The following CSMD3 variants were observed in gnomAD, a reference collection of about 807,000 sequenced individuals.
The protein encoded by CSMD3 is CUB and sushi domain-containing protein 3.
A neutral mutation model predicts 435.2 loss-of-function variants in CSMD3; 177 were observed. That is an observed-to-expected ratio of 0.41 (90% CI 0.36 to 0.46). The LOEUF is 0.46. CSMD3 is among the 20% of genes least tolerant of loss of function. The probability of loss-of-function intolerance (pLI) is 0.34; values close to 1 mark genes in which losing one functional copy is unlikely to be tolerated. For synonymous variants in CSMD3, 1,656 were observed against 1,520.5 expected (o/e 1.09, Z -2.07); for missense variants, 4,265 against 4,504.6 (o/e 0.95, Z 1.52).
chr8:112,238,269 C>CT (rs1554612698), intron 66 of CSMD3, among the ~76,000 whole-genome samples: 3 of 151,452 alleles, frequency 2.0e-5, no homozygotes, highest in South Asian at 2.1e-4. Flanking sequence ...GGAAAAAGTC[C>CT]TTTTTTTTAA....
intron 1 of CSMD3, among the ~76,000 whole-genome samples, chr8:113,323,781 T>G (rs887556505): frequency 7.9e-5 from 12 of 152,228 alleles, no homozygotes; most frequent in Non-Finnish European, 1.6e-4. Context: ...TAATTTCTAT[T>G]GAATGCTTGT....
intron 12 of CSMD3, among the ~76,000 whole-genome samples, chr8:112,825,948 CT>C (rs36026509): frequency 0.29 from 44,336 of 152,082 alleles, 6,729 homozygotes; most frequent in Non-Finnish European, 0.32. Flanking sequence ...AAAACTAATT[CT>C]GCTGGTCCCT....
chr8:112,286,953 T>C, intron 58 of CSMD3, 111 bp downstream of exon 58: 1 of 847,960 alleles, frequency 1.2e-6, no homozygotes, highest in Admixed American at 1.8e-5. Context: ...TATTTCATAG[T>C]TGCAGGCAGA....
At chr8:112,368,629 T>C (rs958701444) in intron 38 of CSMD3, among the ~76,000 whole-genome samples, 1 of 152,156 alleles carries the variant, frequency 6.6e-6, no homozygotes, top group Non-Finnish European at 1.5e-5. Flanking sequence ...ACTCAATAAA[T>C]ACTTGATGAA....
intron 27 of CSMD3, among the ~76,000 whole-genome samples, chr8:112,542,870 T>C (rs774145974): frequency 6.6e-6 from 1 of 151,850 alleles, no homozygotes; most frequent in Non-Finnish European, 1.5e-5. Flanking sequence ...AACAGAGACA[T>C]ATAGAACAAT....
At chr8:112,282,124 G>A (rs1383393252) in intron 58 of CSMD3, among the ~76,000 whole-genome samples, 1 of 152,026 alleles carries the variant, frequency 6.6e-6, no homozygotes, top group African/African-American at 2.4e-5. Context: ...CCTTACAGAA[G>A]TGAAGGCTTT....
chr8:113,049,853 C>T (rs564318247), intron 5 of CSMD3, among the ~76,000 whole-genome samples: 62 of 152,136 alleles, frequency 4.1e-4, no homozygotes, highest in African/African-American at 1.3e-3. Flanking sequence ...TATCCATATC[C>T]ATATGATATA....
At chr8:113,428,257 T>TATC (rs1554637356) in intron 1 of CSMD3, among the ~76,000 whole-genome samples, 53 of 146,430 alleles carry the variant, frequency 3.6e-4, no homozygotes, top group African/African-American at 1.4e-3. Flanking sequence ...TCTATCTATC[T>TATC]ATCTTTCTGT....
chr8:113,195,270 T>C (rs935130468), intron 3 of CSMD3, among the ~76,000 whole-genome samples: 7 of 150,666 alleles, frequency 4.6e-5, no homozygotes, highest in Admixed American at 3.3e-4. Flanking sequence ...TAACGACCTT[T>C]GTATTTCAGG....
chr8:113,134,341 C>A (rs773973716), intron 4 of CSMD3, among the ~76,000 whole-genome samples: 10 of 151,906 alleles, frequency 6.6e-5, no homozygotes, highest in Non-Finnish European at 1.5e-4. Flanking sequence ...GGCTATGTAC[C>A]TTATTTAGTG....
intron 6 of CSMD3, among the ~76,000 whole-genome samples, chr8:112,999,233 A>G (rs2085770913): frequency 6.6e-6 from 1 of 152,006 alleles, no homozygotes; most frequent in Non-Finnish European, 1.5e-5. Context: ...TTAACATCAG[A>G]AAACAGATGC....
intron 3 of CSMD3, among the ~76,000 whole-genome samples, chr8:113,248,896 C>A (rs1253240400): frequency 6.6e-6 from 1 of 151,650 alleles, no homozygotes; most frequent in Non-Finnish European, 1.5e-5. Flanking sequence ...TGTCAACTTT[C>A]CTGACAATCT....
At chr8:112,840,965 TA>T in intron 11 of CSMD3, among the ~76,000 whole-genome samples, 1 of 151,538 alleles carries the variant, frequency 6.6e-6, no homozygotes, top group Non-Finnish European at 1.5e-5. Flanking sequence ...GGGAAGAATA[TA>T]GTAAATTTAA....
chr8:112,710,522 T>C (rs1233406081), intron 13 of CSMD3, among the ~76,000 whole-genome samples: 2 of 152,092 alleles, frequency 1.3e-5, no homozygotes, highest in East Asian at 1.9e-4. Context: ...CAGTCACATA[T>C]AGAAATTACA....
intron 27 of CSMD3, among the ~76,000 whole-genome samples, chr8:112,543,155 A>C (rs1044083672): frequency 1.1e-4 from 16 of 152,194 alleles, no homozygotes; most frequent in African/African-American, 3.9e-4. Flanking sequence ...TCCAGAAGGA[A>C]ATAAAAAAAA....
At chr8:113,214,420 T>C (rs1563555508) in intron 3 of CSMD3, among the ~76,000 whole-genome samples, 1 of 151,908 alleles carries the variant, frequency 6.6e-6, no homozygotes, top group Non-Finnish European at 1.5e-5. Context: ...GTTCGGTTAT[T>C]TGAGTATGAT....
chr8:112,814,796 AT>A (rs933114264), intron 12 of CSMD3, among the ~76,000 whole-genome samples: 28 of 148,754 alleles, frequency 1.9e-4, no homozygotes, highest in Admixed American at 4.7e-4. Context: ...AAAAAAAAAA[AT>A]TTTTTTTTCA....
chr8:113,015,776 C>A (rs2086432887), intron 6 of CSMD3, among the ~76,000 whole-genome samples: 3 of 151,612 alleles, frequency 2.0e-5, no homozygotes, highest in African/African-American at 7.3e-5. Context: ...ACTCCCCTTC[C>A]AATTTAAAAA....
At chr8:112,459,758 C>G (rs77844720) in intron 32 of CSMD3, among the ~76,000 whole-genome samples, 1,806 of 152,232 alleles carry the variant, frequency 0.012, 32 homozygotes, top group African/African-American at 0.041. Flanking sequence ...ATACCAGGCA[C>G]TTCATAATCT....
Sources: gnomAD v4.1 joint callset for allele counts (sites outside exome capture counted in the v4.1 genomes callset) on GRCh38, gnomAD v4.1.1 for gene constraint, MANE v1.5 for transcripts, NCBI Gene and HGNC (gene_info 2026-07-23, HGNC 2026-07-21) for gene names.